The following LYSMD2 variants were observed in gnomAD, a reference collection of about 807,000 sequenced individuals.
LYSMD2 encodes LysM domain containing 2.
In LYSMD2, 6 loss-of-function variants were observed where a neutral mutation model predicts 17.7. The observed-to-expected ratio is 0.34, with a 90% CI of 0.19 to 0.67. LYSMD2 has a LOEUF of 0.67. LYSMD2 is among the 30% of genes least tolerant of loss of function. LYSMD2 has a pLI of 0.69. For synonymous variants in LYSMD2, 102 were observed against 129.8 expected (o/e 0.79, Z 1.45); for missense variants, 237 against 286.7 (o/e 0.83, Z 1.25).
upstream of LYSMD2, among the ~76,000 whole-genome samples, chr15:51,740,272 T>A (rs12440260): frequency 2.1e-3 from 317 of 152,226 alleles, 9 homozygotes; most frequent in Admixed American, 0.016. Flanking sequence ...CCTGTTTTTT[T>A]GTTTTTTTGT....
intron 1 of LYSMD2, among the ~76,000 whole-genome samples, chr15:51,735,646 A>C (rs1363390752): frequency 6.6e-6 from 1 of 152,254 alleles, no homozygotes; most frequent in Non-Finnish European, 1.5e-5. Flanking sequence ...TCTACACTTT[A>C]ATTTTAAAAA....
chr15:51,725,376 G>A (rs761386548), intron 1 of LYSMD2, among the ~76,000 whole-genome samples: 3 of 152,162 alleles, frequency 2.0e-5, no homozygotes, highest in Non-Finnish European at 4.4e-5. Context: ...CTACAAGGCA[G>A]CTTTTAACAT....
At chr15:51,728,396 A>ACAC (rs369560739) in intron 1 of LYSMD2, among the ~76,000 whole-genome samples, 13 of 144,942 alleles carry the variant, frequency 9.0e-5, no homozygotes, top group East Asian at 2.1e-4. Flanking sequence ...TCCAGGAGAA[A>ACAC]ACACACACAC....
At chr15:51,726,223 T>C (rs1229896018) in intron 1 of LYSMD2, among the ~76,000 whole-genome samples, 1 of 152,292 alleles carries the variant, frequency 6.6e-6, no homozygotes, top group African/African-American at 2.4e-5. Context: ...AAAGAGAACA[T>C]AAACATGGGC....
chr15:51,737,862 A>G (rs1567229790), upstream of LYSMD2: 2 of 288,498 alleles, frequency 6.9e-6, no homozygotes, highest in Non-Finnish European at 1.3e-5. The surrounding 1 kb of genome is among the most constrained non-coding windows in gnomAD (Gnocchi z 4.2). Context: ...GAGCGAAAGC[A>G]GCTCCCGCCG....
rs569929979 is a variant in LYSMD2 at position 51,727,166 on chromosome 15, C to G, written c.274-2045G>C. 3.0e-4 allele frequency among the ~76,000 whole-genome samples: 45 copies of G among 152,280 alleles called. No homozygotes were observed. The East Asian group carries it at 4.8e-3, about 16-fold the overall frequency. ...TAAGTTATCTGTCGTGCTGCTTATT[C>G]TCCTTTCAAACCCACTCTCCCCTCC... is the stretch of plus-strand genomic sequence containing the variant. On this transcript the variant is annotated intron_variant, in intron 1 of 2. Coordinates refer to ENST00000267838, the MANE Select transcript of LYSMD2 (RefSeq NM_153374.3).
intron 1 of LYSMD2, among the ~76,000 whole-genome samples, chr15:51,746,345 G>A (rs1217277795): frequency 6.6e-6 from 1 of 152,194 alleles, no homozygotes; most frequent in Non-Finnish European, 1.5e-5. Flanking sequence ...AAAGAAGCCA[G>A]TCATAAAAGA....
Position 51,737,223 on chromosome 15 carries a change from G to A in LYSMD2, c.273+127C>T, listed in dbSNP as rs1021538821. On this transcript the variant is annotated intron_variant, in intron 1 of 2. Transcript: ENST00000267838. This position sits in a 1 kb window ranked among gnomAD's most constrained non-coding sequence, Gnocchi z 4.2. ...CCGAGCCGCCCGGGGACGCACGGCC[G>A]TCCCTGCGACTCCCCATCCCCCAAA... 1.7e-5 allele frequency: 12 copies of A among 696,202 alleles called. No homozygotes were observed. Among genetic ancestry groups the A allele is most frequent in the Non-Finnish European group, 1.6e-5 (8 of 507,298 alleles). The allele number at this position is 696,202 out of a possible 1,614,324, so 43.1% of individuals were successfully genotyped here. A position where few individuals can be genotyped will look rare whatever the true frequency, so the allele number is the denominator to read the frequency against.
At chr15:51,730,667 T>C (rs1019749469) in intron 1 of LYSMD2, among the ~76,000 whole-genome samples, 1 of 152,190 alleles carries the variant, frequency 6.6e-6, no homozygotes, top group African/African-American at 2.4e-5. Context: ...TCCACCTACC[T>C]AATAGTGAAT....
At chr15:51,727,858 T>C (rs1483344853) in intron 1 of LYSMD2, among the ~76,000 whole-genome samples, 1 of 152,222 alleles carries the variant, frequency 6.6e-6, no homozygotes, top group Non-Finnish European at 1.5e-5. Flanking sequence ...GACTACAAGA[T>C]GACACACAAG....
chr15:51,737,433 C>G lies in LYSMD2; in HGVS notation c.190G>C (p.Ala64Pro). Residue 64 changes from alanine to proline, a missense_variant, in exon 1 of 3, where the codon GCC (alanine) becomes CCC (proline). Coordinates refer to ENST00000267838, the MANE Select transcript of LYSMD2 (RefSeq NM_153374.3). The surrounding 1 kb of genome is among the most constrained non-coding windows in gnomAD (Gnocchi z 4.2). ...STASVRAPLG[A>P]GVIERHVEHR... ...TCCACATGGCGCTCGATGACGCCGG[C>G]GCCCAGCGGCGCCCGCACGCTGGCG... 1 of 1,433,640 alleles carries G rather than the reference C, an allele frequency of 7.0e-7. No homozygotes were observed. The highest frequency in any genetic ancestry group is 9.1e-7 in the Non-Finnish European group (1 of 1,097,326). 88.8% of individuals were successfully genotyped at this position (1,433,640 alleles called of 1,614,324 possible). A position where few individuals can be genotyped will look rare whatever the true frequency, so the allele number is the denominator to read the frequency against.
Position 51,751,345 on chromosome 15 carries a change from T to C in LYSMD2, c.-75A>G, listed in dbSNP as rs1239123693. ...AATGCTCATCACAGGCTTGAAAGCC[T>C]TTGCCATCCACGCTCTCCGGAGCCC... is the stretch of plus-strand genomic sequence containing the variant. On this transcript the variant is annotated 5_prime_UTR_variant, in exon 1 of 3. Coordinates refer to the LYSMD2 transcript ENST00000454181. 7.1e-6 allele frequency: 5 copies of C among 702,102 alleles called. No individual in the cohort carries two copies. In the South Asian group the frequency reaches 7.4e-5, roughly 10 times the overall value. The allele number at this position is 702,102 out of a possible 1,614,324, so 43.5% of individuals were successfully genotyped here.
upstream of LYSMD2, among the ~76,000 whole-genome samples, chr15:51,741,689 G>A (rs543052649): frequency 1.3e-4 from 20 of 152,192 alleles, no homozygotes; most frequent in South Asian, 2.1e-4. Context: ...GAAGGCCAAC[G>A]CAGGTGGATC....
At chr15:51,737,788 G>T, upstream of LYSMD2, 1 of 444,560 alleles carries the variant, frequency 2.2e-6, no homozygotes, top group Non-Finnish European at 3.5e-6. This position sits in a 1 kb window ranked among gnomAD's most constrained non-coding sequence, Gnocchi z 4.2. Flanking sequence ...GGGCATGGCG[G>T]GCGCCTCCTC....
chr15:51,742,322 A>G (rs1045812928), upstream of LYSMD2, among the ~76,000 whole-genome samples: 3 of 152,186 alleles, frequency 2.0e-5, no homozygotes, highest in Non-Finnish European at 4.4e-5. Flanking sequence ...TTCAAAAATA[A>G]ATTTTTAACC....
At chr15:51,736,677 A>G (rs2055611069) in intron 1 of LYSMD2, among the ~76,000 whole-genome samples, 1 of 152,210 alleles carries the variant, frequency 6.6e-6, no homozygotes, top group African/African-American at 2.4e-5. Context: ...TCAGGTTTCC[A>G]TGTTCTTCCC....
Position 51,743,521 on chromosome 15 carries a change from A to C in LYSMD2, c.-1+7750T>G, listed in dbSNP as rs536367377. Among the ~76,000 whole-genome samples the C allele has an allele frequency of 7.9e-5, 12 of 152,290 alleles. 1 individual carries two copies. In the East Asian group the frequency reaches 2.3e-3, roughly 29 times the overall value. On this transcript the variant is annotated intron_variant, in intron 1 of 2. Coordinates refer to the LYSMD2 transcript ENST00000454181. ...GTTTCAAGAATACTACAGTGTCTTT[A>C]TTACTGTAGCTTTATAGTAAGTCTT...
At chr15:51,744,125 T>C (rs2055655931) in intron 1 of LYSMD2, among the ~76,000 whole-genome samples, 1 of 152,150 alleles carries the variant, frequency 6.6e-6, no homozygotes, top group African/African-American at 2.4e-5. Context: ...AATCCGTATA[T>C]CCCTTTTCCC....
chr15:51,739,881 C>G (rs2055634474), upstream of LYSMD2, among the ~76,000 whole-genome samples: 1 of 152,166 alleles, frequency 6.6e-6, no homozygotes, highest in African/African-American at 2.4e-5. Context: ...AAGCAGAGAT[C>G]ATGCCACTGC....
Sources: allele counts gnomAD v4.1 joint callset (sites outside exome capture counted in the v4.1 genomes callset), GRCh38; gene constraint gnomAD v4.1.1; non-coding constraint Gnocchi (gnomAD v3.1); transcripts MANE v1.5; gene names NCBI Gene and HGNC (gene_info 2026-07-23, HGNC 2026-07-21).